The following GLCCI1 variants were observed in gnomAD, a reference collection of about 807,000 sequenced individuals.
GLCCI1 encodes glucocorticoid induced 1, also known as glucocorticoid-induced transcript 1 protein.
In GLCCI1, 24 loss-of-function variants were observed where a neutral mutation model predicts 52.2. The observed-to-expected ratio is 0.46, with a 90% confidence interval of 0.33 to 0.65. GLCCI1 has a LOEUF of 0.65. GLCCI1 is among the 30% of genes least tolerant of loss of function. The pLI, the probability that GLCCI1 is intolerant of heterozygous loss-of-function variation, is 0.02. For synonymous variants in GLCCI1, 310 were observed against 276.5 expected (o/e 1.12, Z -1.20); for missense variants, 704 against 701.5 (o/e 1.00, Z -0.04).
intron 1 of GLCCI1, among the ~76,000 whole-genome samples, chr7:7,974,526 G>T (rs1432253970): frequency 6.6e-6 from 1 of 152,122 alleles, no homozygotes; most frequent in African/African-American, 2.4e-5. Flanking sequence ...GAAGGATAAT[G>T]GCGTCCTTGT....
rs1018252528 is a variant in GLCCI1, at chr7:8,087,247, G to T, written c.*709G>T. 6.6e-6 allele frequency: 1 copy of T among 152,590 alleles called. No homozygotes were observed. Among genetic ancestry groups the T allele is most frequent in the Non-Finnish European group, 1.5e-5 (1 of 68,026 alleles). 9.5% of individuals were successfully genotyped at this position (152,590 alleles called of 1,614,324 possible). A position where few individuals can be genotyped will look rare whatever the true frequency, so the allele number is the denominator to read the frequency against. On this transcript the variant is annotated 3_prime_UTR_variant, in exon 8 of 8. Coordinates refer to ENST00000223145, the MANE Select transcript of GLCCI1 (RefSeq NM_138426.4). Reference sequence around the variant, plus strand: ...TAGGAGAATGATAATCCTGGACATGGGTGAACATGAGGAGAACCAGCAAAA... The same window carrying T: ...TAGGAGAATGATAATCCTGGACATGTGTGAACATGAGGAGAACCAGCAAAA...
At chr7:8,027,017 C>G (rs1218310581) in intron 3 of GLCCI1, among the ~76,000 whole-genome samples, 1 of 152,182 alleles carries the variant, frequency 6.6e-6, no homozygotes, top group African/African-American at 2.4e-5. Flanking sequence ...CCAAGAAGGA[C>G]AGGCACAAAC....
At chr7:8,001,670 A>G (rs1034886760) in intron 1 of GLCCI1, among the ~76,000 whole-genome samples, 4 of 152,356 alleles carry the variant, frequency 2.6e-5, no homozygotes, top group Middle Eastern at 3.4e-3. Context: ...TTATTGCGGC[A>G]CTATTCACAA....
At chr7:8,008,850 T>C (rs1212375601) in intron 2 of GLCCI1, among the ~76,000 whole-genome samples, 1 of 152,044 alleles carries the variant, frequency 6.6e-6, no homozygotes, top group African/African-American at 2.4e-5. Flanking sequence ...TAGAGCAAAA[T>C]GTTATTTAGA....
Position 8,058,378 on chromosome 7 carries a change from C to A in GLCCI1, c.814-1718C>A, listed in dbSNP as rs78760805. Among the ~76,000 whole-genome samples the A allele has an allele frequency of 5.6e-3, 851 of 152,164 alleles. 18 individuals are homozygous for A. The East Asian group carries it at 0.074, about 13-fold the overall frequency. On this transcript the variant is annotated intron_variant, in intron 4 of 7. Transcript: ENST00000223145. The stretch of plus-strand genomic sequence containing the variant: ...GCATTCCAGTGCAAATTTAAAAGGA[C>A]TTGTTTTTATTACTTGAAAAACTGT...
chr7:7,970,454 T>A (rs1780325421), intron 1 of GLCCI1: 1 of 138,360 alleles, frequency 7.2e-6, no homozygotes, highest in Non-Finnish European at 1.5e-5. Context: ...TATTCATGCA[T>A]CAGAGCACTC....
chr7:8,064,186 G>A (rs549789300), intron 5 of GLCCI1, among the ~76,000 whole-genome samples: 1 of 152,264 alleles, frequency 6.6e-6, no homozygotes, highest in East Asian at 1.9e-4. Context: ...CAGGTCCTGT[G>A]TCCAGAATGG....
chr7:8,070,857 G>C, intron 5 of GLCCI1, 64 bp from the exon 6 acceptor site: 1 of 1,391,166 alleles, frequency 7.2e-7, no homozygotes, highest in Non-Finnish European at 1.0e-6. Context: ...GAAATACTAT[G>C]TGCTTTCTAT....
At chr7:8,006,855 C>A (rs1781161703) in intron 2 of GLCCI1, among the ~76,000 whole-genome samples, 1 of 152,230 alleles carries the variant, frequency 6.6e-6, no homozygotes, top group Admixed American at 6.5e-5. Context: ...CTATTCTGTA[C>A]TTTAAGCTGG....
rs1202380368 is a variant in GLCCI1, at chr7:7,969,447, G to T, written c.97G>T (p.Ala33Ser). The stretch of plus-strand genomic sequence containing the variant: ...GCGCAGCGCCGCGGGGTCCCCGCCC[G>T]CCGTCGCCGCCGCCGGGAGCGGGAA... ...MRRSAAGSPP[A>S]VAAAGSGNGA... is the part of the protein sequence containing the mutation. The change falls in exon 1 of 8, where the codon GCC becomes TCC. Residue 33 changes from alanine (A) to serine (S), a missense_variant. Physicochemically the swap from Ala to Ser is moderately conservative, Grantham distance 99. Coordinates refer to ENST00000223145, the MANE Select transcript of GLCCI1 (RefSeq NM_138426.4). The surrounding 1 kb of genome is among the most constrained non-coding windows in gnomAD (Gnocchi z 4.9). 1.7e-6 allele frequency: 2 copies of T among 1,193,206 alleles called. No individual in the cohort carries two copies. 73.9% of individuals were successfully genotyped at this position (1,193,206 alleles called of 1,614,324 possible).
At chr7:8,012,026 A>C (rs1190130594) in intron 2 of GLCCI1, among the ~76,000 whole-genome samples, 2 of 151,972 alleles carry the variant, frequency 1.3e-5, no homozygotes, top group Non-Finnish European at 2.9e-5. Context: ...TGTGTTAGCC[A>C]GGATGGTCTC....
At chr7:8,054,283 TTA>T (rs1350186495) in intron 3 of GLCCI1, among the ~76,000 whole-genome samples, 130 of 152,274 alleles carry the variant, frequency 8.5e-4, no homozygotes, top group African/African-American at 3.0e-3. Flanking sequence ...TGCAAGAAAA[TTA>T]TGTCAGTTCA....
intron 1 of GLCCI1, among the ~76,000 whole-genome samples, chr7:7,997,198 T>C (rs1280476455): frequency 6.6e-6 from 1 of 152,210 alleles, no homozygotes; most frequent in Non-Finnish European, 1.5e-5. Context: ...CTCAGTTATT[T>C]TGTTACCTTT....
At chr7:8,004,859 G>A (rs1231495124) in intron 2 of GLCCI1, among the ~76,000 whole-genome samples, 1 of 152,146 alleles carries the variant, frequency 6.6e-6, no homozygotes, top group Non-Finnish European at 1.5e-5. Context: ...GTAGGTTAGG[G>A]AAATAGAATA....
In GLCCI1 at chr7:8,088,546, T is replaced by TA. The variant is rs763969846; in HGVS notation, c.*2009dup. 6.6e-6 allele frequency: 1 copy of TA among 152,598 alleles called. No homozygotes were observed. The highest frequency in any genetic ancestry group is 1.5e-5 in the Non-Finnish European group (1 of 68,024). 9.5% of individuals were successfully genotyped at this position (152,598 alleles called of 1,614,324 possible). The stretch of plus-strand genomic sequence containing the variant: ...TAGATTATGGTTAAAGGGGGAAAAT[T>TA]ACTAGTTCCGTAAGATAAATATGAG... On this transcript the variant is annotated 3_prime_UTR_variant, in exon 8 of 8. Transcript: ENST00000223145.
chr7:8,058,884 A>G (rs998107949), intron 4 of GLCCI1, among the ~76,000 whole-genome samples: 12 of 152,198 alleles, frequency 7.9e-5, no homozygotes, highest in African/African-American at 2.7e-4. Context: ...GTCACTTAAC[A>G]TATTTTGTAT....
intron 1 of GLCCI1, among the ~76,000 whole-genome samples, chr7:7,985,796 A>C (rs1346431524): frequency 1.3e-5 from 2 of 152,178 alleles, no homozygotes; most frequent in Non-Finnish European, 2.9e-5. Flanking sequence ...TAGAATGGCA[A>C]TCCTGTTATC....
chr7:8,001,273 A>G (rs945500387), intron 1 of GLCCI1, among the ~76,000 whole-genome samples: 5 of 152,180 alleles, frequency 3.3e-5, no homozygotes, highest in African/African-American at 1.2e-4. Context: ...ATCTGTAAAG[A>G]ATTTTATTTC....
At chr7:8,044,376 T>TG (rs935164308) in intron 3 of GLCCI1, among the ~76,000 whole-genome samples, 5 of 151,566 alleles carry the variant, frequency 3.3e-5, no homozygotes, top group African/African-American at 1.2e-4. Flanking sequence ...ACTTTTTTTT[T>TG]TTTTTTCTTT....
Sources: gnomAD v4.1 joint callset for allele counts (sites outside exome capture counted in the v4.1 genomes callset) on GRCh38, gnomAD v4.1.1 for gene constraint, Gnocchi (gnomAD v3.1) non-coding constraint, MANE v1.5 for transcripts, NCBI Gene and HGNC (gene_info 2026-07-23, HGNC 2026-07-21) for gene names.